Variants in MKNK1 observed in about 807,000 individuals in gnomAD.
MKNK1 encodes MAP kinase-interacting serine/threonine-protein kinase 1.
In MKNK1, 30 loss-of-function variants were observed where a neutral mutation model predicts 49.3. The observed-to-expected ratio is 0.61, with a 90% confidence interval of 0.46 to 0.83. MKNK1 has a LOEUF of 0.83. Among genes scored for constraint, MKNK1 ranks in the 40% least tolerant of loss-of-function variants. The pLI is 0.00. For missense variants in MKNK1, 423 were observed against 524.7 expected, an observed-to-expected ratio of 0.81 and a Z score of 1.89; for synonymous variants, 176 against 201.7, an observed-to-expected ratio of 0.87 and a Z score of 1.08.
intron 4 of MKNK1, among the ~76,000 whole-genome samples, chr1:46,576,882 A>C (rs1671045366): frequency 6.6e-6 from 1 of 152,182 alleles, no homozygotes; most frequent in Non-Finnish European, 1.5e-5. Flanking sequence ...GCCAAGCACA[A>C]CACCAAGGAA....
rs1670274992 is a variant in MKNK1, at chr1:46,572,183, G to A, written c.353-16C>T. The A allele has an allele frequency of 1.2e-6, 2 of 1,609,360 alleles. No homozygotes were observed. Among genetic ancestry groups the A allele is most frequent in the East Asian group, 2.2e-5 (1 of 44,848 alleles). ...AAGATGGAACCTGGGGAGCAGAGGG[G>A]ACATAGAAGAATGCCTTTTTGGGCT... On this transcript the variant is annotated splice_polypyrimidine_tract_variant and intron_variant, in intron 6 of 12. Transcript: ENST00000371945.
intron 7 of MKNK1, chr1:46,571,592 C>T: frequency 2.4e-6 from 1 of 408,394 alleles, no homozygotes; most frequent in Admixed American, 3.1e-5. Context: ...TTACTGTGAA[C>T]AAGATATATT....
intron 12 of MKNK1, 21 bp downstream of exon 12, chr1:46,560,212 TG>T (rs1667698822): frequency 1.9e-6 from 3 of 1,613,252 alleles, no homozygotes; most frequent in South Asian, 2.2e-5. Context: ...GAGCATGGCG[TG>T]GGGGTGGTCA....
At position 46,580,588 on chromosome 1, in the gene MKNK1, G is replaced by T. The variant is rs550399139; in HGVS notation, c.140C>A (p.Ala47Asp). 1 of 1,613,990 alleles carries T rather than the reference G, an allele frequency of 6.2e-7. No homozygotes were observed. Among genetic ancestry groups the T allele is most frequent in the Admixed American group, 1.7e-5 (1 of 60,012 alleles). The stretch of plus-strand genomic sequence containing the variant: ...CACGGCACCTTGAACTTTGGCATAG[G>T]CTCCCTCTCCAAGCAATTCAGAGGT... ...KLTSELLGEG[A>D]YAKVQGAVSL... The change falls in exon 4 of 13, where the codon GCC (alanine) becomes GAC (aspartate). Residue 47 changes from alanine to aspartate, a missense_variant. Ala to Asp is a moderately radical substitution (Grantham distance 126). Coordinates refer to ENST00000371945, the MANE Select transcript of MKNK1 (RefSeq NM_001135553.4).
chr1:46,560,470 A>G (rs776010624), intron 11 of MKNK1, among the ~76,000 whole-genome samples, 193 bp from the exon 12 acceptor site: 30 of 152,146 alleles, frequency 2.0e-4, no homozygotes, highest in Non-Finnish European at 3.5e-4. Context: ...AGCCCCCAAC[A>G]TAGCTGCTTC....
At chr1:46,574,728 G>A in intron 6 of MKNK1, 1 of 522,648 alleles carries the variant, frequency 1.9e-6, no homozygotes, top group Non-Finnish European at 3.4e-6. Context: ...TAATGAAAAG[G>A]CATTTATAAA....
chr1:46,564,466 G>GTTTTTTTTTTTTT lies in MKNK1; in HGVS notation c.609+562_609+574dup, dbSNP rs568296534. Among the ~76,000 whole-genome samples, 18 of 70,168 alleles carry GTTTTTTTTTTTTT rather than the reference G, an allele frequency of 2.6e-4. 2 individuals are homozygous for GTTTTTTTTTTTTT. The highest frequency in any genetic ancestry group is 8.9e-4 in the African/African-American group (13 of 14,666). 46.0% of individuals were successfully genotyped at this position (70,168 alleles called of 152,430 possible). ...GGGCTCAGCCTGTGTTTTTTTTATT[G>GTTTTTTTTTTTTT]TTTTTTTTTTTTTTTTTTTTTTTTT... On this transcript the variant is annotated intron_variant, in intron 9 of 12. Coordinates refer to ENST00000371945, the MANE Select transcript of MKNK1 (RefSeq NM_001135553.4).
intron 2 of MKNK1, 199 bp downstream of exon 2, chr1:46,593,914 C>A (rs146364436): frequency 9.1e-6 from 4 of 440,992 alleles, no homozygotes; most frequent in Non-Finnish European, 1.6e-5. Flanking sequence ...TTCCTTATGA[C>A]CCTTCCATGT....
chr1:46,574,416 G>C (rs902477381), intron 6 of MKNK1: 5 of 152,362 alleles, frequency 3.3e-5, no homozygotes, highest in Admixed American at 1.3e-4. Context: ...GTGATGGGAA[G>C]GGAAAGGGTT....
chr1:46,560,354 G>A, intron 11 of MKNK1, 77 bp from the exon 12 acceptor site: 2 of 1,495,874 alleles, frequency 1.3e-6, no homozygotes, highest in South Asian at 2.3e-5. Flanking sequence ...AGCCAGCAGT[G>A]GGTAGGTTAC....
chr1:46,602,001 T>C (rs546712132), intron 1 of MKNK1, among the ~76,000 whole-genome samples: 3 of 152,254 alleles, frequency 2.0e-5, no homozygotes, highest in African/African-American at 7.2e-5. Context: ...AGCTTCACCA[T>C]GGAGGCCACA....
chr1:46,590,298 C>T (rs1400888059), intron 2 of MKNK1, among the ~76,000 whole-genome samples: 1 of 152,142 alleles, frequency 6.6e-6, no homozygotes, highest in South Asian at 2.1e-4. Context: ...AGACTGACCC[C>T]AGAACATTTA....
At chr1:46,584,752 C>G (rs1165421994) in intron 2 of MKNK1, 3 of 152,144 alleles carry the variant, frequency 2.0e-5, no homozygotes, top group Admixed American at 1.3e-4. Flanking sequence ...GGTTACGCAG[C>G]CAAGTGCCTG....
At chr1:46,571,972 C>T (rs956226798) in intron 7 of MKNK1, 91 bp downstream of exon 7, 2 of 1,179,750 alleles carry the variant, frequency 1.7e-6, no homozygotes, top group African/African-American at 3.0e-5. Context: ...ACACCATCTC[C>T]TGCACCAGCC....
intron 9 of MKNK1, chr1:46,563,080 TTCC>T (rs1393726683): frequency 3.3e-5 from 15 of 458,822 alleles, no homozygotes; most frequent in African/African-American, 2.6e-4. Context: ...ATCCTTCCAG[TTCC>T]TCCTCCAGTA....
intron 7 of MKNK1, among the ~76,000 whole-genome samples, chr1:46,571,002 A>C (rs1027412941): frequency 2.6e-5 from 4 of 152,234 alleles, no homozygotes; most frequent in Non-Finnish European, 5.9e-5. Flanking sequence ...ACATAGCTAG[A>C]AGAAAAGTGA....
rs755195066 is a variant in MKNK1, at chr1:46,560,293, C to G, written c.970-16G>C. 146 of 1,613,872 alleles carry G rather than the reference C, an allele frequency of 9.0e-5. No homozygotes were observed. The highest frequency in any genetic ancestry group is 1.2e-4 in the Non-Finnish European group (143 of 1,179,902). ...CTGGAGCTTGCTAGAATGGGAAGGA[C>G]AGATGTGTAGGTAAAGCACTGCTCC... On this transcript the variant is annotated splice_polypyrimidine_tract_variant and intron_variant, in intron 11 of 12. Transcript: ENST00000371945.
At chr1:46,572,407 A>G in intron 6 of MKNK1, 1 of 327,312 alleles carries the variant, frequency 3.1e-6, no homozygotes, top group Non-Finnish European at 6.0e-6. Flanking sequence ...TTTAGTAGAG[A>G]TGGGGTTTCA....
In MKNK1 at chr1:46,562,730, C is replaced by T. The variant is rs1668254220; in HGVS notation, c.723G>A (p.Met241Ile). Residue 241 changes from methionine to isoleucine, a missense_variant, in exon 10 of 13, where the codon ATG becomes ATA. Coordinates refer to ENST00000371945, the MANE Select transcript of MKNK1 (RefSeq NM_001135553.4). ...CCACGAAGGGTGGGTAGCCACTCAGCATGATGTAGAGGACCACGCCCAGGC... is the reference window on the plus strand; with the variant it reads ...CCACGAAGGGTGGGTAGCCACTCAGTATGATGTAGAGGACCACGCCCAGGC... ...LWSLGVVLYI[M>I]LSGYPPFVGH... 2 of 1,599,302 alleles carry T rather than the reference C, an allele frequency of 1.3e-6. No individual in the cohort carries two copies. The highest frequency in any genetic ancestry group is 1.3e-5 in the African/African-American group (1 of 74,904).
Sources: gnomAD v4.1 joint callset for allele counts (sites outside exome capture counted in the v4.1 genomes callset) on GRCh38, gnomAD v4.1.1 for gene constraint, MANE v1.5 for transcripts, NCBI Gene and HGNC (gene_info 2026-07-23, HGNC 2026-07-21) for gene names.